Variants in ATXN8OS observed in about 807,000 individuals in gnomAD.
ATXN8OS encodes ATXN8 opposite strand (non-protein coding).
chr13:70,126,934 G>T (rs1888446477), intron 2 of ATXN8OS, among the ~76,000 whole-genome samples: 1 of 151,304 alleles, frequency 6.6e-6, no homozygotes, highest in Non-Finnish European at 1.5e-5. Context: ...ATATCTATAT[G>T]TACCTATCTA....
chr13:70,129,742 T>C (rs939186801), intron 2 of ATXN8OS: 3 of 398,250 alleles, frequency 7.5e-6, no homozygotes, highest in Admixed American at 4.4e-5. Context: ...AGTGTCTCCT[T>C]ATGTTTTAAC....
chr13:70,154,981 C>T (rs1051104917), intron 4 of ATXN8OS, among the ~76,000 whole-genome samples: 1 of 152,186 alleles, frequency 6.6e-6, no homozygotes, highest in Admixed American at 6.5e-5. Context: ...GCTTTCACCC[C>T]ACTGTAAGCT....
chr13:70,144,915 A>C (rs1176178434), intron 3 of ATXN8OS, among the ~76,000 whole-genome samples: 2 of 152,070 alleles, frequency 1.3e-5, no homozygotes, highest in Non-Finnish European at 2.9e-5. Context: ...TTGTAAAGAA[A>C]ATTTCTAAGT....
chr13:70,108,608 G>C (rs1388639660), intron 1 of ATXN8OS: 1 of 152,110 alleles, frequency 6.6e-6, no homozygotes, highest in Non-Finnish European at 1.5e-5. Context: ...CCCTTGCGTG[G>C]GTCTTGTCAC....
chr13:70,124,368 G>C (rs972145179), intron 2 of ATXN8OS, among the ~76,000 whole-genome samples: 2 of 151,968 alleles, frequency 1.3e-5, no homozygotes, highest in African/African-American at 4.8e-5. Context: ...GAAAAATGAA[G>C]CAACCAAATA....
chr13:70,136,177 T>C (rs1463090082), intron 3 of ATXN8OS, among the ~76,000 whole-genome samples: 1 of 152,174 alleles, frequency 6.6e-6, no homozygotes, highest in Non-Finnish European at 1.5e-5. Context: ...AGCTCAGTTG[T>C]ATGTAATTGG....
At chr13:70,161,742 T>C (rs1889010843) in intron 4 of ATXN8OS, among the ~76,000 whole-genome samples, 2 of 146,700 alleles carry the variant, frequency 1.4e-5, no homozygotes, top group Non-Finnish European at 1.5e-5. Flanking sequence ...CTTGTAGTTA[T>C]GGTATAAGTA....
intron 4 of ATXN8OS, among the ~76,000 whole-genome samples, chr13:70,154,963 G>T (rs918553400): frequency 6.6e-6 from 1 of 152,148 alleles, no homozygotes; most frequent in Non-Finnish European, 1.5e-5. Context: ...TCTTGCCTCT[G>T]TATCCCTGCT....
chr13:70,136,301 A>T (rs2137487590), intron 3 of ATXN8OS, among the ~76,000 whole-genome samples: 2 of 152,288 alleles, frequency 1.3e-5, no homozygotes, highest in Non-Finnish European at 2.9e-5. Flanking sequence ...GGATAGCCTC[A>T]GACATTAACT....
At chr13:70,170,106 A>G (rs954669025) in exon 5 of ATXN8OS, among the ~76,000 whole-genome samples, 2 of 152,096 alleles carry the variant, frequency 1.3e-5, no homozygotes, top group Non-Finnish European at 2.9e-5. Context: ...CCTTAGTTCC[A>G]TTAGAGTTTA....
At chr13:70,150,586 T>C (rs1888853536) in intron 4 of ATXN8OS, among the ~76,000 whole-genome samples, 1 of 152,088 alleles carries the variant, frequency 6.6e-6, no homozygotes, top group South Asian at 2.1e-4. Context: ...TGGTAAGACA[T>C]TAAACAGACA....
chr13:70,140,659 T>C (rs1211484711), intron 3 of ATXN8OS, among the ~76,000 whole-genome samples: 1 of 152,166 alleles, frequency 6.6e-6, no homozygotes, highest in South Asian at 2.1e-4. Context: ...CCTCTGAATG[T>C]GTATTCCTCT....
chr13:70,131,635 CTCAGA>C (rs1188818377), intron 3 of ATXN8OS: 1 of 396,620 alleles, frequency 2.5e-6, no homozygotes, highest in Non-Finnish European at 4.4e-6. Flanking sequence ...TAGAGCTCAG[CTCAGA>C]TATCCTTTTC....
rs920004235 is a variant in ATXN8OS, at chr13:70,109,174, C to T, written n.240+1155C>T. Among the ~76,000 whole-genome samples the T allele has an allele frequency of 3.3e-5, 5 of 152,218 alleles. No homozygotes were observed. The South Asian group carries it at 6.2e-4, about 19-fold the overall frequency. ...AGAATAGCCGAAGGCTACTTACTAT[C>T]TTGCAAATAGGCGTTTGGAGAAGAT... On this transcript the variant is annotated intron_variant and non_coding_transcript_variant, in intron 1 of 4. Coordinates refer to ENST00000678624, the Ensembl canonical transcript of ATXN8OS.
intron 3 of ATXN8OS, among the ~76,000 whole-genome samples, chr13:70,145,133 T>A (rs1026615038): frequency 3.2e-4 from 48 of 152,172 alleles, no homozygotes; most frequent in African/African-American, 1.0e-3. Context: ...CTTGTTTTTA[T>A]CAGGTTTGTC....
chr13:70,125,709 A>T (rs1888423403), intron 2 of ATXN8OS, among the ~76,000 whole-genome samples: 2 of 152,058 alleles, frequency 1.3e-5, no homozygotes, highest in African/African-American at 2.4e-5. Context: ...TTGCCTCCTC[A>T]TCTTTGTTCT....
intron 3 of ATXN8OS, among the ~76,000 whole-genome samples, chr13:70,145,107 A>G (rs1006588397): frequency 5.3e-5 from 8 of 152,110 alleles, no homozygotes; most frequent in Admixed American, 1.3e-4. Flanking sequence ...TTAAATAGGG[A>G]ATCCTTTCCC....
chr13:70,146,474 T>C (rs1470620307), intron 3 of ATXN8OS, among the ~76,000 whole-genome samples: 2 of 152,196 alleles, frequency 1.3e-5, no homozygotes, highest in Non-Finnish European at 2.9e-5. Flanking sequence ...CGTATGTTTA[T>C]TGTGTCACTA....
chr13:70,145,207 T>C (rs759402032), intron 3 of ATXN8OS, among the ~76,000 whole-genome samples: 1 of 152,172 alleles, frequency 6.6e-6, no homozygotes, highest in Non-Finnish European at 1.5e-5. Flanking sequence ...TCCATTGATC[T>C]ATATTTCTGT....
Sources: gnomAD v4.1 joint callset for allele counts (sites outside exome capture counted in the v4.1 genomes callset) on GRCh38, gnomAD v4.1.1 for gene constraint, MANE v1.5 for transcripts, NCBI Gene and HGNC (gene_info 2026-07-23, HGNC 2026-07-21) for gene names.